The following CUBN variants were observed in gnomAD, a reference collection of about 807,000 sequenced individuals.
The protein encoded by CUBN is 460 kDa receptor.
In CUBN, 282 loss-of-function variants were observed where a neutral mutation model predicts 405.3. The observed-to-expected ratio is 0.70, with a 90% confidence interval of 0.63 to 0.77. CUBN has a LOEUF of 0.77. Ranked by LOEUF, CUBN falls within the 30% of genes least tolerant of loss-of-function variation. The probability of loss-of-function intolerance (pLI) is 0.00; values close to 1 mark genes in which losing one functional copy is unlikely to be tolerated. For missense variants in CUBN, 4,514 were observed against 4,475.2 expected (o/e 1.01, Z -0.25); for synonymous variants, 1,684 against 1,617.0 (o/e 1.04, Z -0.99).
At chr10:17,121,717 AT>A in intron 6 of CUBN, among the ~76,000 whole-genome samples, 1 of 152,292 alleles carries the variant, frequency 6.6e-6, no homozygotes, top group South Asian at 2.1e-4. Flanking sequence ...TTTAAAAAAA[AT>A]AGTGATGGTT....
chr10:16,980,314 C>A (rs1377257997), intron 31 of CUBN, among the ~76,000 whole-genome samples: 1 of 152,160 alleles, frequency 6.6e-6, no homozygotes, highest in Non-Finnish European at 1.5e-5. Context: ...CCAGTAATAC[C>A]ATTTGACTCA....
intron 58 of CUBN, among the ~76,000 whole-genome samples, chr10:16,870,857 G>T (rs1840330949): frequency 6.6e-6 from 1 of 152,044 alleles, no homozygotes; most frequent in Non-Finnish European, 1.5e-5. Flanking sequence ...GTTTAATTCA[G>T]GTCTTATTCT....
intron 59 of CUBN, among the ~76,000 whole-genome samples, chr10:16,853,760 C>T (rs184958490): frequency 2.0e-5 from 3 of 152,278 alleles, no homozygotes; most frequent in Admixed American, 6.5e-5. Flanking sequence ...CCTGCAAACT[C>T]AAGAGAGGGT....
intron 2 of CUBN, 69 bp from the exon 3 acceptor site, chr10:17,127,993 A>T: frequency 6.1e-6 from 7 of 1,138,512 alleles, no homozygotes; most frequent in Non-Finnish European, 9.1e-6. Context: ...TTACAGTAAC[A>T]TAATTAAAAA....
At chr10:16,868,364 G>A (rs1342686155) in intron 59 of CUBN, among the ~76,000 whole-genome samples, 1 of 152,202 alleles carries the variant, frequency 6.6e-6, no homozygotes, top group South Asian at 2.1e-4. Context: ...TCAGAGAAAC[G>A]AAGTTTATCC....
chr10:16,866,791 T>A (rs919585018), intron 59 of CUBN, among the ~76,000 whole-genome samples: 3 of 152,140 alleles, frequency 2.0e-5, no homozygotes, highest in African/African-American at 7.2e-5. Flanking sequence ...GCTTGCCAAA[T>A]GTGCTTTCTC....
chr10:17,052,031 C>T (rs967073660), intron 22 of CUBN, among the ~76,000 whole-genome samples: 4 of 149,440 alleles, frequency 2.7e-5, no homozygotes, highest in Non-Finnish European at 5.9e-5. Context: ...ACAAGGAAAA[C>T]ACAGAAGCCA....
chr10:17,065,428 G>A (rs1835592649), intron 22 of CUBN, 80 bp downstream of exon 22: 3 of 1,561,712 alleles, frequency 1.9e-6, no homozygotes, highest in African/African-American at 2.7e-5. Flanking sequence ...TGCGGATGAT[G>A]TATTCTCATT....
intron 28 of CUBN, among the ~76,000 whole-genome samples, chr10:17,015,774 G>A (rs999553519): frequency 6.6e-6 from 1 of 152,158 alleles, no homozygotes; most frequent in South Asian, 2.1e-4. Context: ...GGACATGGAC[G>A]AGGGGGCGGC....
chr10:16,974,524 C>A lies in CUBN; in HGVS notation c.4695+7960G>T, dbSNP rs142902723. 1.9e-3 allele frequency among the ~76,000 whole-genome samples: 263 copies of A among 135,702 alleles called. 1 individual carries two copies. The highest frequency in any genetic ancestry group is 6.5e-3 in the African/African-American group (243 of 37,350). 89.0% of individuals were successfully genotyped at this position (135,702 alleles called of 152,430 possible). ...ATGCAAGCTCTGCCTCCCGAGTTCC[C>A]GCCATGCCTGGCTGCTTTTTATATT... On this transcript the variant is annotated intron_variant, in intron 31 of 66. Transcript: ENST00000377833.
At chr10:17,120,133 A>G (rs1397121396) in intron 6 of CUBN, among the ~76,000 whole-genome samples, 1 of 152,172 alleles carries the variant, frequency 6.6e-6, no homozygotes, top group Non-Finnish European at 1.5e-5. Context: ...AAATTTCCCA[A>G]AGGGTTTTCT....
chr10:16,900,717 T>C lies in CUBN; in HGVS notation c.8318A>G (p.Gln2773Arg). The change falls in exon 53 of 67, where the codon CAG becomes CGG. Residue 2773 changes from glutamine (Q) to arginine (R), a missense_variant. Physicochemically the swap from Gln to Arg is conservative, Grantham distance 43. Transcript: ENST00000377833. The stretch of plus-strand genomic sequence containing the variant: ...CACGACCAGCTGATTGGAACCTGAC[T>C]GTATTGTCCTGGGGTTTGAATTTCC... ...YCGNSNPRTI[Q>R]SGSNQLVVTF... The C allele has an allele frequency of 6.2e-7, 1 of 1,614,184 alleles. No individual in the cohort carries two copies. The highest frequency in any genetic ancestry group is 8.5e-7 in the Non-Finnish European group (1 of 1,180,012).
At chr10:17,010,887 T>C (rs1467306578) in intron 28 of CUBN, among the ~76,000 whole-genome samples, 1 of 152,202 alleles carries the variant, frequency 6.6e-6, no homozygotes, top group Non-Finnish European at 1.5e-5. Context: ...AAGTGTATAA[T>C]AGGGCTATTC....
At chr10:16,971,308 T>G (rs1588535227) in intron 31 of CUBN, among the ~76,000 whole-genome samples, 1 of 152,352 alleles carries the variant, frequency 6.6e-6, no homozygotes, top group East Asian at 1.9e-4. Context: ...CCAGTGTCCA[T>G]CTGGCTGTAA....
chr10:17,119,752 A>G (rs74563372), intron 6 of CUBN, among the ~76,000 whole-genome samples: 10,058 of 152,290 alleles, frequency 0.066, 502 homozygotes, highest in South Asian at 0.24. Flanking sequence ...GAAGTGGCGA[A>G]ATGTAATTGT....
chr10:16,878,205 T>C (rs1840568561), intron 56 of CUBN, among the ~76,000 whole-genome samples: 2 of 152,116 alleles, frequency 1.3e-5, no homozygotes, highest in African/African-American at 4.8e-5. Context: ...AGAGAATCGC[T>C]TGAACCTGGA....
rs749294789 is a variant in CUBN, at chr10:16,877,099, T to G, written c.8906-2A>C. ...AGCTTCCCGTCACAGCGGAACGAGC[T>G]GGAAAAGGCATGGAACAACCGCATT... On this transcript the variant is annotated splice_acceptor_variant, in intron 56 of 66. Transcript: ENST00000377833. LOFTEE classifies it high-confidence loss of function. 8 of 1,612,444 alleles carry G rather than the reference T, an allele frequency of 5.0e-6. No individual in the cohort carries two copies. Among genetic ancestry groups the G allele is most frequent in the Non-Finnish European group, 6.8e-6 (8 of 1,179,326 alleles).
chr10:16,880,460 A>T (rs965318131), intron 56 of CUBN, among the ~76,000 whole-genome samples: 5 of 152,240 alleles, frequency 3.3e-5, no homozygotes, highest in African/African-American at 1.2e-4. Flanking sequence ...AGGCTGCCGT[A>T]AGGGAAAAAG....
intron 59 of CUBN, among the ~76,000 whole-genome samples, chr10:16,864,438 T>C (rs987068087): frequency 1.3e-5 from 2 of 151,340 alleles, no homozygotes; most frequent in Non-Finnish European, 3.0e-5. Context: ...TTCTAATACA[T>C]AGAGTCTTTC....
Sources: gnomAD v4.1 joint callset for allele counts (sites outside exome capture counted in the v4.1 genomes callset) on GRCh38, gnomAD v4.1.1 for gene constraint, MANE v1.5 for transcripts, NCBI Gene and HGNC (gene_info 2026-07-23, HGNC 2026-07-21) for gene names.